Variants in GLDC observed in about 807,000 individuals in gnomAD.
The protein encoded by GLDC is glycine decarboxylase, also known as glycine dehydrogenase (decarboxylating), mitochondrial.
Under a neutral mutation model 121.3 loss-of-function variants are expected in GLDC, and 104 were observed. That is an observed-to-expected ratio of 0.86 (90% CI 0.73 to 1.01). The LOEUF is 1.01. Ranked by LOEUF, GLDC falls within the 50% of genes least tolerant of loss-of-function variation. The probability of loss-of-function intolerance (pLI) is 0.00; values close to 1 mark genes in which losing one functional copy is unlikely to be tolerated. For synonymous variants in GLDC, 546 were observed against 480.6 expected (o/e 1.14, Z -1.78); for missense variants, 1,429 against 1,306.6 (o/e 1.09, Z -1.44).
chr9:6,604,904 C>A, intron 6 of GLDC, 120 bp from the exon 7 acceptor site: 1 of 922,004 alleles, frequency 1.1e-6, no homozygotes, highest in Admixed American at 1.9e-5. Flanking sequence ...CCTGTGAACT[C>A]CATTGCTCAT....
intron 2 of GLDC, among the ~76,000 whole-genome samples, chr9:6,633,819 A>ATTT (rs1563871993): frequency 1.9e-4 from 20 of 107,768 alleles, no homozygotes; most frequent in South Asian, 6.4e-4. Context: ...AGGCAGGAGA[A>ATTT]TCTTTTTTTT....
chr9:6,582,291 G>A (rs1818185094), intron 15 of GLDC, among the ~76,000 whole-genome samples: 1 of 151,676 alleles, frequency 6.6e-6, no homozygotes, highest in Non-Finnish European at 1.5e-5. Context: ...GGCCGAGGTG[G>A]GCAGATCACC....
At chr9:6,544,268 G>T (rs1177885703) in intron 21 of GLDC, among the ~76,000 whole-genome samples, 1 of 152,144 alleles carries the variant, frequency 6.6e-6, no homozygotes, top group Non-Finnish European at 1.5e-5. Context: ...AAGCGGGACT[G>T]AGCAGGGTCA....
intron 4 of GLDC, among the ~76,000 whole-genome samples, chr9:6,608,742 T>C (rs997998559): frequency 3.3e-5 from 5 of 151,744 alleles, no homozygotes; most frequent in African/African-American, 1.2e-4. Flanking sequence ...CGAGACTCCG[T>C]CTCAAATAAA....
intron 17 of GLDC, among the ~76,000 whole-genome samples, chr9:6,556,592 A>G (rs901357662): frequency 2.0e-5 from 3 of 152,192 alleles, no homozygotes; most frequent in African/African-American, 7.2e-5. Context: ...CAAGAATTCG[A>G]GACCAGCCTG....
intron 24 of GLDC, among the ~76,000 whole-genome samples, chr9:6,533,664 G>C (rs577701508): frequency 1.0e-3 from 158 of 152,066 alleles, no homozygotes; most frequent in African/African-American, 3.7e-3. Flanking sequence ...TTCGAGACCA[G>C]CCTGATCGAC....
At chr9:6,585,839 T>C (rs1244568297) in intron 15 of GLDC, among the ~76,000 whole-genome samples, 1 of 121,662 alleles carries the variant, frequency 8.2e-6, no homozygotes, top group Admixed American at 8.0e-5. Context: ...CATCTATGTA[T>C]GTATGTATGT....
chr9:6,611,959 T>C (rs139264745), intron 3 of GLDC, among the ~76,000 whole-genome samples: 1 of 152,148 alleles, frequency 6.6e-6, no homozygotes, highest in East Asian at 1.9e-4. Context: ...TGTCAAGCCA[T>C]GTGTGTAGAT....
intron 2 of GLDC, among the ~76,000 whole-genome samples, chr9:6,633,640 G>A (rs1359142175): frequency 6.6e-6 from 1 of 151,734 alleles, no homozygotes; most frequent in East Asian, 1.9e-4. Flanking sequence ...CCATGCTTCT[G>A]GCCAGGCACA....
intron 16 of GLDC, among the ~76,000 whole-genome samples, chr9:6,560,293 C>G (rs971565038): frequency 6.6e-6 from 1 of 152,210 alleles, no homozygotes; most frequent in Non-Finnish European, 1.5e-5. Context: ...GCTTACAGCT[C>G]TTTCCTCAAA....
intron 2 of GLDC, among the ~76,000 whole-genome samples, chr9:6,630,484 C>T (rs953631683): frequency 2.0e-5 from 3 of 151,982 alleles, no homozygotes; most frequent in Non-Finnish European, 4.4e-5. Context: ...ATGTGCTTGG[C>T]AAGACACTAG....
At chr9:6,543,507 A>G (rs1335190276) in intron 21 of GLDC, among the ~76,000 whole-genome samples, 1 of 152,206 alleles carries the variant, frequency 6.6e-6, no homozygotes, top group African/African-American at 2.4e-5. Flanking sequence ...CTACAGTGCC[A>G]TCTGAAGAGG....
chr9:6,532,737 G>C lies in GLDC; in HGVS notation c.*280C>G, dbSNP rs1223177821. 12 of 426,698 alleles carry C rather than the reference G, an allele frequency of 2.8e-5. No individual in the cohort carries two copies. In the Admixed American group the frequency reaches 3.9e-4, roughly 14 times the overall value. The allele number at this position is 426,698 out of a possible 1,614,324, so 26.4% of individuals were successfully genotyped here. ...CATCTGCAAACTTGCCACATTAAAA[G>C]TTAAAGTTCCTAAAACTTTCTACGC... is the stretch of plus-strand genomic sequence containing the variant. On this transcript the variant is annotated 3_prime_UTR_variant, in exon 25 of 25. Coordinates refer to ENST00000321612, the MANE Select transcript of GLDC (RefSeq NM_000170.3).
chr9:6,573,693 A>G (rs1360316416), intron 15 of GLDC, among the ~76,000 whole-genome samples: 1 of 152,188 alleles, frequency 6.6e-6, no homozygotes, highest in Non-Finnish European at 1.5e-5. Flanking sequence ...TACGTTGAGA[A>G]ACAAAAACGA....
chr9:6,578,850 TCTC>T (rs1332911730), intron 15 of GLDC, among the ~76,000 whole-genome samples: 4 of 152,288 alleles, frequency 2.6e-5, no homozygotes, highest in East Asian at 3.9e-4. Flanking sequence ...ACTTTCCAGT[TCTC>T]CTTGTGATTC....
chr9:6,533,252 G>A (rs1382833331), intron 24 of GLDC, 92 bp from the exon 25 acceptor site: 1 of 1,007,792 alleles, frequency 9.9e-7, no homozygotes, highest in South Asian at 1.3e-5. Context: ...CACAACCTAA[G>A]ACACCATCAG....
At chr9:6,550,484 G>A (rs572196071) in intron 21 of GLDC, among the ~76,000 whole-genome samples, 11 of 152,074 alleles carry the variant, frequency 7.2e-5, no homozygotes, top group African/African-American at 9.6e-5. Context: ...AAAATTAGCC[G>A]GGCATGGTGG....
intron 18 of GLDC, 106 bp from the exon 19 acceptor site, chr9:6,554,887 C>A: frequency 1.3e-6 from 1 of 789,124 alleles, no homozygotes; most frequent in Non-Finnish European, 2.2e-6. Flanking sequence ...AGAGGAAAAG[C>A]AGGCAGAGCC....
rs386833555 is a variant in GLDC at position 6,553,501 on chromosome 9, T to C, written c.2324A>G (p.His775Arg). The change falls in exon 20 of 25, where the codon CAT becomes CGT. Residue 775 changes from histidine to arginine, a missense_variant. By Grantham distance (29) the His-to-Arg change is conservative (BLOSUM62 0). Coordinates refer to ENST00000321612, the MANE Select transcript of GLDC (RefSeq NM_000170.3). ...PGMGPIGVKK[H>R]LAPFLPNHPV... ...ATGATTGGGCAAAAACGGGGCGAGA[T>C]GTTTCTTCCTGTATTTTTTTTAAGT... The C allele has an allele frequency of 2.5e-6, 4 of 1,606,866 alleles. No individual in the cohort carries two copies. Among genetic ancestry groups the C allele is most frequent in the Admixed American group, 3.4e-5 (2 of 59,018 alleles).
Sources: gnomAD v4.1 joint callset for allele counts (sites outside exome capture counted in the v4.1 genomes callset) on GRCh38, gnomAD v4.1.1 for gene constraint, MANE v1.5 for transcripts, NCBI Gene and HGNC (gene_info 2026-07-23, HGNC 2026-07-21) for gene names.